FOXN2: variants seen among roughly 807,000 people sequenced by gnomAD.
FOXN2 encodes the protein forkhead box N2.
In FOXN2, 19 loss-of-function variants were observed where a neutral mutation model predicts 41.2. That is an observed-to-expected ratio of 0.46 (90% CI 0.32 to 0.68). FOXN2 has a LOEUF of 0.68. Among genes scored for constraint, FOXN2 ranks in the 30% least tolerant of loss-of-function variants. The probability of loss-of-function intolerance (pLI) is 0.03; values close to 1 mark genes in which losing one functional copy is unlikely to be tolerated. For synonymous variants in FOXN2, 195 were observed against 176.8 expected (o/e 1.10, Z -0.82); for missense variants, 587 against 509.4 (o/e 1.15, Z -1.47).
intron 3 of FOXN2, among the ~76,000 whole-genome samples, chr2:48,351,707 G>A (rs1049146099): frequency 6.6e-6 from 1 of 152,106 alleles, no homozygotes; most frequent in Non-Finnish European, 1.5e-5. Context: ...CGGACAGGAG[G>A]CAGAGCTCAG....
At chr2:48,347,782 A>G (rs568963692) in intron 3 of FOXN2, among the ~76,000 whole-genome samples, 44 of 152,120 alleles carry the variant, frequency 2.9e-4, no homozygotes, top group Non-Finnish European at 5.0e-4. Context: ...ATTTCTCATT[A>G]TTCAGTTTTG....
chr2:48,367,616 T>C (rs772685412), intron 5 of FOXN2, among the ~76,000 whole-genome samples: 4 of 152,230 alleles, frequency 2.6e-5, no homozygotes, highest in African/African-American at 9.6e-5. Context: ...CTTTTGTAAT[T>C]ACTACAAAGC....
At chr2:48,352,608 G>C (rs1448399758) in intron 3 of FOXN2, among the ~76,000 whole-genome samples, 1 of 152,224 alleles carries the variant, frequency 6.6e-6, no homozygotes, top group African/African-American at 2.4e-5. Flanking sequence ...CTAATTATTA[G>C]ATCTGGAGGT....
chr2:48,320,534 C>T (rs1012749898), intron 1 of FOXN2, among the ~76,000 whole-genome samples: 1 of 152,124 alleles, frequency 6.6e-6, no homozygotes, highest in Non-Finnish European at 1.5e-5. Flanking sequence ...AAGTGATCTG[C>T]CCACCTCGGC....
At chr2:48,322,847 CTT>C (rs1295715561) in intron 1 of FOXN2, among the ~76,000 whole-genome samples, 1 of 148,886 alleles carries the variant, frequency 6.7e-6, no homozygotes, top group Non-Finnish European at 1.5e-5. Flanking sequence ...ATTTTTATCT[CTT>C]TGAGCATCTC....
At chr2:48,347,667 A>T (rs1459876715) in intron 3 of FOXN2, among the ~76,000 whole-genome samples, 1 of 152,082 alleles carries the variant, frequency 6.6e-6, no homozygotes, top group African/African-American at 2.4e-5. Context: ...TCCACCTTCA[A>T]ATAATATTAT....
intron 2 of FOXN2, among the ~76,000 whole-genome samples, chr2:48,335,225 C>T (rs1378818256): frequency 1.3e-5 from 2 of 152,014 alleles, no homozygotes; most frequent in Non-Finnish European, 2.9e-5. Context: ...CAGTAACAGG[C>T]TTAAAAATGA....
At chr2:48,370,885 A>G (rs1243067631) in intron 5 of FOXN2, among the ~76,000 whole-genome samples, 1 of 152,070 alleles carries the variant, frequency 6.6e-6, no homozygotes, top group Non-Finnish European at 1.5e-5. Context: ...AATGTCCTGA[A>G]GTGTTTCATC....
At position 48,362,648 on chromosome 2, in the gene FOXN2, C is replaced by T. The variant is rs1158654509; in HGVS notation, c.644C>T (p.Ser215Phe). 1.2e-6 allele frequency: 2 copies of T among 1,613,612 alleles called. No homozygotes were observed. The highest frequency in any genetic ancestry group is 1.7e-6 in the Non-Finnish European group (2 of 1,179,720). The change falls in exon 5 of 7, where the codon TCT (serine) becomes TTT (phenylalanine). Residue 215 changes from serine (S) to phenylalanine (F), a missense_variant. Physicochemically the swap from Ser to Phe is radical, Grantham distance 155. Transcript: ENST00000340553. ...PFSSASSQNG[S>F]LSPHYLSSVI... is the part of the protein sequence containing the mutation. The stretch of plus-strand genomic sequence containing the variant: ...CTTTTCTGTTTGTTTTTCAGTGGTT[C>T]TTTATCACCTCACTATTTAAGCTCT...
At chr2:48,355,903 T>A (rs1328478102) in intron 3 of FOXN2, among the ~76,000 whole-genome samples, 1 of 152,216 alleles carries the variant, frequency 6.6e-6, no homozygotes, top group Admixed American at 6.5e-5. Flanking sequence ...TTTAAATTTG[T>A]TAAAATTATA....
chr2:48,349,742 CAA>C (rs1671334946), intron 3 of FOXN2, among the ~76,000 whole-genome samples: 1 of 152,190 alleles, frequency 6.6e-6, no homozygotes, highest in Admixed American at 6.5e-5. Context: ...ACCTGGGCAA[CAA>C]GAGTGAAACT....
intron 1 of FOXN2, among the ~76,000 whole-genome samples, chr2:48,322,452 A>G (rs1052010743): frequency 6.6e-6 from 1 of 152,104 alleles, no homozygotes; most frequent in Non-Finnish European, 1.5e-5. Flanking sequence ...TGGTTTTATT[A>G]CTCAAGTATG....
chr2:48,369,106 C>G (rs1672720120), intron 5 of FOXN2, among the ~76,000 whole-genome samples: 1 of 152,142 alleles, frequency 6.6e-6, no homozygotes, highest in Admixed American at 6.5e-5. Flanking sequence ...AGAAACAGTA[C>G]TTAATTTGTT....
intron 1 of FOXN2, among the ~76,000 whole-genome samples, chr2:48,321,219 G>C (rs1669292636): frequency 6.6e-6 from 1 of 152,040 alleles, no homozygotes; most frequent in African/African-American, 2.4e-5. Context: ...ATTGGGGTGG[G>C]AAATTTTGAC....
intron 5 of FOXN2, among the ~76,000 whole-genome samples, chr2:48,370,921 G>A (rs753264879): frequency 3.9e-5 from 6 of 152,032 alleles, no homozygotes; most frequent in Admixed American, 6.6e-5. Flanking sequence ...TAGTTTTATC[G>A]TTTCAGTTCT....
At chr2:48,351,890 G>A (rs1408569782) in intron 3 of FOXN2, among the ~76,000 whole-genome samples, 2 of 152,140 alleles carry the variant, frequency 1.3e-5, no homozygotes, top group Non-Finnish European at 2.9e-5. Context: ...AAGAGAACAG[G>A]TTTTAGAAGG....
intron 1 of FOXN2, among the ~76,000 whole-genome samples, chr2:48,326,788 A>G (rs771620791): frequency 8.5e-5 from 13 of 152,204 alleles, no homozygotes; most frequent in African/African-American, 1.2e-4. Flanking sequence ...CCTTCAGGCT[A>G]TTTGTATAAG....
chr2:48,352,452 T>C (rs1352184186), intron 3 of FOXN2, among the ~76,000 whole-genome samples: 1 of 152,260 alleles, frequency 6.6e-6, no homozygotes, highest in Non-Finnish European at 1.5e-5. Flanking sequence ...TTTTGCCACT[T>C]GCCATTTAAA....
Position 48,376,451 on chromosome 2 carries a change from T to C in FOXN2, c.*1008T>C, listed in dbSNP as rs948913328. 17 of 152,442 alleles carry C rather than the reference T, an allele frequency of 1.1e-4. No homozygotes were observed. The highest frequency in any genetic ancestry group is 2.2e-4 in the Non-Finnish European group (15 of 67,976). 9.4% of individuals were successfully genotyped at this position (152,442 alleles called of 1,614,324 possible). On this transcript the variant is annotated 3_prime_UTR_variant, in exon 7 of 7. Coordinates refer to ENST00000340553, the MANE Select transcript of FOXN2 (RefSeq NM_002158.4). ...TAGGAAAAAACTTCTGTCCAAGCTT[T>C]GTATGAATTAAATTCATAAGTATAC...
Sources: allele counts gnomAD v4.1 joint callset (sites outside exome capture counted in the v4.1 genomes callset), GRCh38; gene constraint gnomAD v4.1.1; transcripts MANE v1.5; gene names NCBI Gene and HGNC (gene_info 2026-07-23, HGNC 2026-07-21).